Variants in SARDH observed in about 807,000 individuals in gnomAD.
SARDH encodes sarcosine dehydrogenase, mitochondrial.
Under a neutral mutation model 109.1 loss-of-function variants are expected in SARDH, and 95 were observed. The ratio of observed to expected loss-of-function variants is 0.87; its 90% CI spans 0.74 to 1.03. The LOEUF is 1.03. Ranked by LOEUF, SARDH falls within the 50% of genes least tolerant of loss-of-function variation. The probability of loss-of-function intolerance (pLI) is 0.00; values close to 1 mark genes in which losing one functional copy is unlikely to be tolerated. For missense variants in SARDH, 1,267 were observed against 1,287.8 expected (o/e 0.98, Z 0.25); for synonymous variants, 572 against 534.8 (o/e 1.07, Z -0.96).
At position 133,671,558 on chromosome 9, in the gene SARDH, A is replaced by G; in HGVS notation, c.2303T>C (p.Ile768Thr). ...HGLINAGYRA[I>T]DSLSIEKGYR... ...ACCTTTCTCAATGCTCAGGGAGTCGATGGCGCGGTACCCTGCGTTGATGAG... is the reference window on the plus strand; with the variant it reads ...ACCTTTCTCAATGCTCAGGGAGTCGGTGGCGCGGTACCCTGCGTTGATGAG... The change falls in exon 18 of 21, where the codon ATC (isoleucine) becomes ACC (threonine). Residue 768 changes from isoleucine (I) to threonine (T), a missense_variant. Coordinates refer to ENST00000439388, the MANE Select transcript of SARDH (RefSeq NM_001134707.2). 6.2e-7 allele frequency: 1 copy of G among 1,608,442 alleles called. No individual in the cohort carries two copies. The highest frequency in any genetic ancestry group is 8.5e-7 in the Non-Finnish European group (1 of 1,178,154).
chr9:133,730,167 C>T lies in SARDH; in HGVS notation c.711G>A (p.Val237=). 6.2e-7 allele frequency: 1 copy of T among 1,614,228 alleles called. No homozygotes were observed. Among genetic ancestry groups the T allele is most frequent in the South Asian group, 1.1e-5 (1 of 91,080 alleles). Reference sequence around the variant, plus strand: ...CATCCGTCCACACACGAATGCCGGTCACTGGGCAGTTCTCAATGACCTGGA... The same window carrying T: ...CATCCGTCCACACACGAATGCCGGTTACTGGGCAGTTCTCAATGACCTGGA... ...RGAQVIENCP[V]TGIRVWTDDF... Residue 237 remains valine (V), a synonymous_variant, in exon 5 of 21, where the codon GTG becomes GTA. Transcript: ENST00000439388.
At chr9:133,700,512 A>G (rs2131407866) in intron 13 of SARDH, among the ~76,000 whole-genome samples, 1 of 152,234 alleles carries the variant, frequency 6.6e-6, no homozygotes, top group East Asian at 1.9e-4. Flanking sequence ...ATCTACAGAG[A>G]GAGAAAGTAG....
At chr9:133,725,968 T>C (rs2428103) in intron 6 of SARDH, among the ~76,000 whole-genome samples, 131,424 of 152,088 alleles carry the variant, frequency 0.86, 57,158 homozygotes, top group Admixed American at 0.92. Flanking sequence ...GGCAGATGCT[T>C]CCTCCCTCTC....
At chr9:133,732,386 AAG>A in intron 3 of SARDH, 35 bp downstream of exon 3, 115 of 309,960 alleles carry the variant, frequency 3.7e-4, no homozygotes, top group Non-Finnish European at 5.5e-4. Flanking sequence ...CCACCCACCC[AAG>A]CCCCCCTCCT....
chr9:133,706,426 C>T (rs1831698814), intron 11 of SARDH, among the ~76,000 whole-genome samples: 1 of 152,126 alleles, frequency 6.6e-6, no homozygotes, highest in East Asian at 1.9e-4. Context: ...ACCGAAACAG[C>T]TTAGTGGTTG....
At chr9:133,673,812 A>G (rs1480659943) in intron 17 of SARDH, among the ~76,000 whole-genome samples, 2 of 152,142 alleles carry the variant, frequency 1.3e-5, no homozygotes, top group African/African-American at 4.8e-5. Flanking sequence ...AAGTGCACCT[A>G]TGCACGGCCC....
At chr9:133,708,823 G>C (rs1831803955) in intron 10 of SARDH, among the ~76,000 whole-genome samples, 1 of 152,148 alleles carries the variant, frequency 6.6e-6, no homozygotes, top group African/African-American at 2.4e-5. Flanking sequence ...CAGATCCCCA[G>C]AATGCTCTGG....
In SARDH at chr9:133,671,662, C is replaced by T. The variant is rs771847244; in HGVS notation, c.2199G>A (p.Leu733=). Residue 733 remains leucine (L), a synonymous_variant, in exon 18 of 21, where the codon CTG becomes CTA. Coordinates refer to ENST00000439388, the MANE Select transcript of SARDH (RefSeq NM_001134707.2). Reference sequence around the variant, plus strand: ...CCTTTGGAATGTGCAGCTCCCAGCCCAGCTCCCCCACAAAGGACAGCCGCA... The same window carrying T: ...CCTTTGGAATGTGCAGCTCCCAGCCTAGCTCCCCCACAAAGGACAGCCGCA... ...RAMRLSFVGE[L]GWELHIPKAS... 1.9e-6 allele frequency: 3 copies of T among 1,590,510 alleles called. No homozygotes were observed. The highest frequency in any genetic ancestry group is 1.8e-5 in the Admixed American group (1 of 56,876).
chr9:133,714,191 C>T (rs756226955), intron 8 of SARDH, among the ~76,000 whole-genome samples: 7 of 152,174 alleles, frequency 4.6e-5, no homozygotes, highest in Non-Finnish European at 1.0e-4. Context: ...CCTCTGCATG[C>T]AGATCAGGAG....
rs147379655 is a variant in SARDH, at chr9:133,666,923, G to A, written c.2496-53C>T. Reference sequence around the variant, plus strand: ...GCCCCAGAAACCGCAGGGTGGGGACGCGTCCACAGCGGCCTGGAGGAGAAT... The same window carrying A: ...GCCCCAGAAACCGCAGGGTGGGGACACGTCCACAGCGGCCTGGAGGAGAAT... On this transcript the variant is annotated intron_variant, in intron 19 of 20. Coordinates refer to ENST00000439388, the MANE Select transcript of SARDH (RefSeq NM_001134707.2). The surrounding 1 kb of genome is among the most constrained non-coding windows in gnomAD (Gnocchi z 5.2). 7.2e-4 allele frequency: 1,156 copies of A among 1,603,358 alleles called. 7 individuals are homozygous for A. The African/African-American group carries it at 0.014, about 19-fold the overall frequency.
chr9:133,689,120 C>T (rs535880597), intron 16 of SARDH, among the ~76,000 whole-genome samples: 4 of 152,304 alleles, frequency 2.6e-5, no homozygotes, highest in African/African-American at 9.6e-5. Flanking sequence ...ATCACCAGGA[C>T]ACAGCCCTGC....
chr9:133,679,541 G>A (rs1830625282), intron 17 of SARDH, among the ~76,000 whole-genome samples: 2 of 152,204 alleles, frequency 1.3e-5, no homozygotes, highest in South Asian at 4.1e-4. Context: ...CTCGGCAGGG[G>A]CCCTGGGAAC....
intron 14 of SARDH, among the ~76,000 whole-genome samples, 163 bp from the exon 15 acceptor site, chr9:133,694,534 C>A (rs2131392269): frequency 6.6e-6 from 1 of 152,304 alleles, no homozygotes; most frequent in East Asian, 1.9e-4. Flanking sequence ...AGCTCCTCAG[C>A]CCAGGGATGC....
At chr9:133,694,472 C>T (rs1244302966) in intron 14 of SARDH, 101 bp from the exon 15 acceptor site, 10 of 975,220 alleles carry the variant, frequency 1.0e-5, no homozygotes, top group African/African-American at 3.3e-5. Context: ...CTCCTTGTCA[C>T]GGAGGCTGGA....
chr9:133,716,575 C>T (rs112016628), intron 8 of SARDH, among the ~76,000 whole-genome samples: 2 of 151,208 alleles, frequency 1.3e-5, no homozygotes, highest in African/African-American at 4.9e-5. Context: ...AGCCCCACAC[C>T]CGCCCCCTGG....
At chr9:133,685,168 G>C (rs776023318) in intron 17 of SARDH, 25 bp downstream of exon 17, 1 of 1,600,972 alleles carries the variant, frequency 6.2e-7, no homozygotes, top group Admixed American at 1.7e-5. Flanking sequence ...CCACGACCCA[G>C]AGGACGTGGC....
chr9:133,703,186 G>T (rs1831557739), intron 12 of SARDH, 157 bp from the exon 13 acceptor site: 1 of 658,544 alleles, frequency 1.5e-6, no homozygotes, highest in African/African-American at 1.8e-5. Context: ...CGCGGGCAGG[G>T]GGCCCCCATG....
At chr9:133,710,994 G>A (rs1440570335) in intron 10 of SARDH, among the ~76,000 whole-genome samples, 4 of 152,184 alleles carry the variant, frequency 2.6e-5, no homozygotes, top group Non-Finnish European at 4.4e-5. Context: ...GCTCTCAGGG[G>A]CTCCCCACCT....
Position 133,718,418 on chromosome 9 carries a change from G to A in SARDH, c.1020+520C>T, listed in dbSNP as rs1832204577. ...CTCTCCACCAAAATATAGGCACCCA[G>A]AGTCAGGGACTTTTATCTTAGTTTC... On this transcript the variant is annotated intron_variant, in intron 7 of 20. Transcript: ENST00000439388. The surrounding 1 kb of genome is among the most constrained non-coding windows in gnomAD (Gnocchi z 4.2). The A allele has an allele frequency of 4.4e-6, 2 of 457,556 alleles. No homozygotes were observed. The highest frequency in any genetic ancestry group is 6.6e-5 in the South Asian group (2 of 30,128). The allele number at this position is 457,556 out of a possible 1,614,324, so 28.3% of individuals were successfully genotyped here.
Sources: gnomAD v4.1 joint callset for allele counts (sites outside exome capture counted in the v4.1 genomes callset) on GRCh38, gnomAD v4.1.1 for gene constraint, Gnocchi (gnomAD v3.1) non-coding constraint, MANE v1.5 for transcripts, NCBI Gene and HGNC (gene_info 2026-07-23, HGNC 2026-07-21) for gene names.